The following TRHDE variants were observed in gnomAD, a reference collection of about 807,000 sequenced individuals.
TRHDE encodes thyrotropin releasing hormone degrading enzyme, also known as thyrotropin-releasing hormone-degrading ectoenzyme.
Under a neutral mutation model 125.7 loss-of-function variants are expected in TRHDE, and 72 were observed. The ratio of observed to expected loss-of-function variants is 0.57; its 90% CI spans 0.47 to 0.70. TRHDE has a LOEUF of 0.70. Among genes scored for constraint, TRHDE ranks in the 30% least tolerant of loss-of-function variants. The pLI, the probability that TRHDE is intolerant of heterozygous loss-of-function variation, is 0.00. For synonymous variants in TRHDE, 509 were observed against 509.1 expected (o/e 1.00, Z 0.00); for missense variants, 1,110 against 1,327.1 (o/e 0.84, Z 2.54).
At chr12:72,557,025 A>C (rs1869957516) in intron 7 of TRHDE, among the ~76,000 whole-genome samples, 1 of 152,000 alleles carries the variant, frequency 6.6e-6, no homozygotes, top group Non-Finnish European at 1.5e-5. Flanking sequence ...TTTTTCTTTT[A>C]AGTTCTCACC....
intron 7 of TRHDE, among the ~76,000 whole-genome samples, chr12:72,553,083 A>G (rs947131659): frequency 1.3e-5 from 2 of 152,158 alleles, no homozygotes; most frequent in Non-Finnish European, 2.9e-5. Context: ...GCTGAATGAA[A>G]GTGAGATGAG....
chr12:72,350,480 G>A (rs1179620477), intron 2 of TRHDE, among the ~76,000 whole-genome samples: 1 of 151,950 alleles, frequency 6.6e-6, no homozygotes, highest in African/African-American at 2.4e-5. Flanking sequence ...GACTCAGGTA[G>A]GTTAAACAGC....
chr12:72,629,048 G>A (rs894932639), intron 15 of TRHDE, among the ~76,000 whole-genome samples: 1 of 151,724 alleles, frequency 6.6e-6, no homozygotes, highest in Non-Finnish European at 1.5e-5. Context: ...TTATATAGCA[G>A]GGACTTTAAT....
At chr12:72,393,207 C>T (rs1565725191) in intron 3 of TRHDE, among the ~76,000 whole-genome samples, 1 of 152,164 alleles carries the variant, frequency 6.6e-6, no homozygotes, top group African/African-American at 2.4e-5. Context: ...TCTGCAACCT[C>T]TAATAATGCT....
rs141876270 is a variant in TRHDE, at chr12:72,350,312, A to T, written c.1189-27683A>T. ...TGGTGGACGGTCATGCCTGGAGCAA[A>T]GTAGGAAACATAACCAGGATGACAG... On this transcript the variant is annotated intron_variant, in intron 2 of 18. Transcript: ENST00000261180. Among the ~76,000 whole-genome samples, 283 of 152,154 alleles carry T rather than the reference A, an allele frequency of 1.9e-3. 3 individuals are homozygous for T. Among genetic ancestry groups the T allele is most frequent in the African/African-American group, 6.4e-3 (268 of 41,554 alleles).
intron 12 of TRHDE, among the ~76,000 whole-genome samples, chr12:72,592,571 T>C (rs1592558967): frequency 6.6e-6 from 1 of 152,172 alleles, no homozygotes; most frequent in Middle Eastern, 3.4e-3. Context: ...TTTTTCTCTC[T>C]CTCTCTCTAT....
At chr12:72,604,820 A>C (rs1872364901) in intron 12 of TRHDE, among the ~76,000 whole-genome samples, 1 of 152,110 alleles carries the variant, frequency 6.6e-6, no homozygotes, top group African/African-American at 2.4e-5. Context: ...CATGAACTTA[A>C]CTATGAGACT....
intron 5 of TRHDE, among the ~76,000 whole-genome samples, chr12:72,488,738 A>G (rs1481291749): frequency 1.3e-5 from 2 of 151,982 alleles, no homozygotes; most frequent in Non-Finnish European, 2.9e-5. Context: ...TGTTCAGAAT[A>G]GACCATATGT....
intron 10 of TRHDE, among the ~76,000 whole-genome samples, chr12:72,571,298 A>G (rs1420929194): frequency 6.6e-6 from 1 of 152,220 alleles, no homozygotes; most frequent in Non-Finnish European, 1.5e-5. Flanking sequence ...ATTCTTTTAA[A>G]CATATGTAAA....
intron 15 of TRHDE, among the ~76,000 whole-genome samples, chr12:72,647,976 A>C (rs1874350953): frequency 6.6e-6 from 1 of 152,094 alleles, no homozygotes; most frequent in Admixed American, 6.6e-5. Context: ...AACTACAGGT[A>C]AATACCCCTA....
intron 2 of TRHDE, among the ~76,000 whole-genome samples, chr12:72,309,347 A>T (rs1389219126): frequency 2.0e-5 from 3 of 152,180 alleles, no homozygotes; most frequent in Non-Finnish European, 2.9e-5. Context: ...AAGGATTTTT[A>T]AAAATTTTTG....
intron 15 of TRHDE, among the ~76,000 whole-genome samples, chr12:72,651,677 C>T (rs1186187852): frequency 2.0e-5 from 3 of 151,674 alleles, no homozygotes; most frequent in African/African-American, 7.3e-5. Context: ...TATGAATAGC[C>T]AAGTCTAATT....
chr12:72,668,957 C>G lies in TRHDE; in HGVS notation c.*5762C>G, dbSNP rs1018191531. ...ACTTTATCATTGTCACTGGCTCTTT[C>G]GAAAGAAGTATTAATTTGTGCATTC... On this transcript the variant is annotated 3_prime_UTR_variant, in exon 19 of 19. Transcript: ENST00000261180. 2 of 151,674 alleles carry G rather than the reference C, an allele frequency of 1.3e-5. No homozygotes were observed. The highest frequency in any genetic ancestry group is 1.3e-4 in the Admixed American group (2 of 15,156). 9.4% of individuals were successfully genotyped at this position (151,674 alleles called of 1,614,324 possible). A position where few individuals can be genotyped will look rare whatever the true frequency, so the allele number is the denominator to read the frequency against.
At chr12:72,378,681 A>G (rs1461265313) in intron 3 of TRHDE, among the ~76,000 whole-genome samples, 2 of 152,230 alleles carry the variant, frequency 1.3e-5, no homozygotes, top group Non-Finnish European at 2.9e-5. Flanking sequence ...GTTCAGTCAT[A>G]TATCTAGTAC....
chr12:72,096,873 G>A (rs779972200), intron 1 of TRHDE, among the ~76,000 whole-genome samples: 11 of 152,168 alleles, frequency 7.2e-5, no homozygotes, highest in Non-Finnish European at 1.5e-4. Context: ...TTCAGGCTAG[G>A]TTGCCATTAG....
intron 12 of TRHDE, chr12:72,610,553 A>C (rs1444516424): frequency 1.3e-5 from 2 of 152,196 alleles, no homozygotes; most frequent in Admixed American, 6.5e-5. Flanking sequence ...ATAGAAAAAC[A>C]ATCTGAGCTC....
At chr12:72,601,643 C>T (rs1301173247) in intron 12 of TRHDE, among the ~76,000 whole-genome samples, 2 of 152,088 alleles carry the variant, frequency 1.3e-5, no homozygotes, top group Non-Finnish European at 2.9e-5. Flanking sequence ...GCATACCAAC[C>T]TTCAGCAATC....
intron 9 of TRHDE, among the ~76,000 whole-genome samples, chr12:72,566,530 A>AT (rs1164115025): frequency 3.3e-5 from 5 of 151,800 alleles, no homozygotes; most frequent in Admixed American, 1.3e-4. Context: ...TATTTTAGAT[A>AT]TTTTTTTCTA....
chr12:72,304,981 T>C (rs1233154069), intron 2 of TRHDE, among the ~76,000 whole-genome samples: 1 of 152,084 alleles, frequency 6.6e-6, no homozygotes, highest in African/African-American at 2.4e-5. Context: ...TCATCTTATC[T>C]TGTGGTTAAA....
Sources: gnomAD v4.1 joint callset for allele counts (sites outside exome capture counted in the v4.1 genomes callset) on GRCh38, gnomAD v4.1.1 for gene constraint, MANE v1.5 for transcripts, NCBI Gene and HGNC (gene_info 2026-07-23, HGNC 2026-07-21) for gene names.